COP1: variants seen among roughly 807,000 people sequenced by gnomAD.
COP1 encodes E3 ubiquitin-protein ligase COP1.
In COP1, 24 loss-of-function variants were observed where a neutral mutation model predicts 101.3. The ratio of observed to expected loss-of-function variants is 0.24; its 90% CI spans 0.17 to 0.33. The LOEUF is 0.33. COP1 is among the 10% of genes least tolerant of loss of function. The probability of loss-of-function intolerance (pLI) is 1.00; values close to 1 mark genes in which losing one functional copy is unlikely to be tolerated. For missense variants in COP1, 663 were observed against 906.2 expected (o/e 0.73, Z 3.45); for synonymous variants, 347 against 341.9 (o/e 1.01, Z -0.17).
intron 15 of COP1, among the ~76,000 whole-genome samples, chr1:176,013,659 T>C (rs1665082102): frequency 6.6e-6 from 1 of 152,198 alleles, no homozygotes; most frequent in South Asian, 2.1e-4. Context: ...AAGTCAAAAT[T>C]AGACACAGAA....
chr1:176,176,576 T>C (rs1000456708), intron 2 of COP1, among the ~76,000 whole-genome samples: 40 of 152,158 alleles, frequency 2.6e-4, no homozygotes, highest in African/African-American at 8.2e-4. Context: ...CCCAACACTT[T>C]AGGAGGCAGA....
chr1:176,151,841 T>C (rs1179886973), intron 5 of COP1, among the ~76,000 whole-genome samples: 5 of 152,182 alleles, frequency 3.3e-5, no homozygotes, highest in Non-Finnish European at 7.4e-5. Context: ...TATTTCACTA[T>C]AAATGAGTAA....
chr1:176,188,773 TC>T (rs959135535), intron 1 of COP1, among the ~76,000 whole-genome samples: 1 of 151,388 alleles, frequency 6.6e-6, no homozygotes, highest in South Asian at 2.1e-4. Context: ...ACCTGCTATT[TC>T]CCCCCTCTCT....
chr1:176,186,696 A>G (rs1444100417), intron 1 of COP1, among the ~76,000 whole-genome samples: 1 of 152,238 alleles, frequency 6.6e-6, no homozygotes, highest in Non-Finnish European at 1.5e-5. Context: ...TCTACCTGCT[A>G]TGCTGAAAAG....
chr1:176,169,292 T>A (rs1695671070), intron 3 of COP1, among the ~76,000 whole-genome samples: 1 of 152,246 alleles, frequency 6.6e-6, no homozygotes, highest in Non-Finnish European at 1.5e-5. Flanking sequence ...TAGAATTTTA[T>A]GTCTAAGACT....
At chr1:175,953,634 A>G (rs1024923340) in intron 18 of COP1, among the ~76,000 whole-genome samples, 1 of 152,046 alleles carries the variant, frequency 6.6e-6, no homozygotes, top group African/African-American at 2.4e-5. Flanking sequence ...AAAAATACAG[A>G]TAAGATACAC....
chr1:176,082,805 C>CAA (rs367796613), intron 10 of COP1, among the ~76,000 whole-genome samples: 1 of 132,774 alleles, frequency 7.5e-6, no homozygotes, highest in Non-Finnish European at 1.6e-5. Context: ...AACTCCATCT[C>CAA]AAAAAAAAAA....
At position 176,198,334 on chromosome 1, in the gene COP1, T is replaced by C. The variant is rs550481411; in HGVS notation, c.407+8238A>G. ...AATAAAAATTGCAGAAATAAACTCATATATATGGTTAATTTTTGAGAAAGG... is the reference window on the plus strand; with the variant it reads ...AATAAAAATTGCAGAAATAAACTCACATATATGGTTAATTTTTGAGAAAGG... On this transcript the variant is annotated intron_variant, in intron 1 of 19. Transcript: ENST00000367669. 2.1e-4 allele frequency among the ~76,000 whole-genome samples: 32 copies of C among 152,262 alleles called. No individual in the cohort carries two copies. In the South Asian group the frequency reaches 6.6e-3, roughly 32 times the overall value.
chr1:176,024,625 A>G (rs1667362316), intron 15 of COP1, among the ~76,000 whole-genome samples: 1 of 152,202 alleles, frequency 6.6e-6, no homozygotes, highest in African/African-American at 2.4e-5. Flanking sequence ...TTGATCTTCT[A>G]GCTAATACAA....
chr1:176,180,363 T>C (rs1697577188), intron 2 of COP1, among the ~76,000 whole-genome samples: 1 of 152,134 alleles, frequency 6.6e-6, no homozygotes, highest in Admixed American at 6.5e-5. Context: ...TTCATTCTCA[T>C]TCATCTAATC....
intron 15 of COP1, among the ~76,000 whole-genome samples, chr1:176,010,233 T>C (rs1664406297): frequency 6.6e-6 from 1 of 152,174 alleles, no homozygotes. Context: ...GATATTTGAC[T>C]TTTAAAAACT....
At position 176,201,901 on chromosome 1, in the gene COP1, A is replaced by G. The variant is rs147117311; in HGVS notation, c.407+4671T>C. ...AGATTCAAATAAGTTCTTGACAGAT[A>G]TTACTATAATAATATAATAAATGCT... On this transcript the variant is annotated intron_variant, in intron 1 of 19. Coordinates refer to ENST00000367669, the MANE Select transcript of COP1 (RefSeq NM_022457.7). 2.6e-3 allele frequency among the ~76,000 whole-genome samples: 400 copies of G among 152,366 alleles called. 3 individuals are homozygous for G. Among genetic ancestry groups the G allele is most frequent in the African/African-American group, 9.2e-3 (382 of 41,584 alleles).
intron 11 of COP1, among the ~76,000 whole-genome samples, chr1:176,068,401 C>T (rs539161102): frequency 2.5e-4 from 38 of 152,276 alleles, no homozygotes; most frequent in African/African-American, 8.7e-4. Context: ...ATTAGAAACT[C>T]TGAGAGTGGA....
rs556288531 is a variant in COP1 at position 176,155,609 on chromosome 1, G to C, written c.763-6535C>G. ...GTTCAAAAATTAAATCCTAGGCATTGAATTTGTTCGCTGCCAAAAAACAAA... is the reference window on the plus strand; with the variant it reads ...GTTCAAAAATTAAATCCTAGGCATTCAATTTGTTCGCTGCCAAAAAACAAA... On this transcript the variant is annotated intron_variant, in intron 5 of 19. Coordinates refer to ENST00000367669, the MANE Select transcript of COP1 (RefSeq NM_022457.7). Among the ~76,000 whole-genome samples the C allele has an allele frequency of 2.6e-5, 4 of 152,018 alleles. No individual in the cohort carries two copies. The East Asian group carries it at 5.8e-4, about 22-fold the overall frequency.
At chr1:175,977,184 G>A (rs1272853506) in intron 18 of COP1, among the ~76,000 whole-genome samples, 1 of 152,098 alleles carries the variant, frequency 6.6e-6, no homozygotes, top group Admixed American at 6.5e-5. Flanking sequence ...AGATCCTGAA[G>A]ATAAATAAAA....
intron 11 of COP1, among the ~76,000 whole-genome samples, chr1:176,071,754 T>A (rs1023438346): frequency 6.6e-6 from 1 of 152,198 alleles, no homozygotes; most frequent in African/African-American, 2.4e-5. Context: ...TAGACGTAAG[T>A]TCTACTTTTA....
chr1:176,103,702 AT>A (rs1683827089), intron 9 of COP1, among the ~76,000 whole-genome samples: 1 of 152,192 alleles, frequency 6.6e-6, no homozygotes, highest in African/African-American at 2.4e-5. Flanking sequence ...CTGCATGTAA[AT>A]CTATAATTAT....
chr1:176,158,329 T>C (rs1481442791), intron 5 of COP1, among the ~76,000 whole-genome samples: 1 of 152,092 alleles, frequency 6.6e-6, no homozygotes, highest in Non-Finnish European at 1.5e-5. Flanking sequence ...AAAATAAAGA[T>C]TTTGTCAGAC....
chr1:175,987,126 G>T lies in COP1; in HGVS notation c.1973-23C>A, dbSNP rs1026191071. 3.2e-6 allele frequency: 4 copies of T among 1,243,826 alleles called. No individual in the cohort carries two copies. The African/African-American group carries it at 6.1e-5, about 19-fold the overall frequency. The allele number at this position is 1,243,826 out of a possible 1,614,324, so 77.0% of individuals were successfully genotyped here. A position where few individuals can be genotyped will look rare whatever the true frequency, so the allele number is the denominator to read the frequency against. ...TTCCTGAAAACAAATAATAATAATAGTATTTTAGAATAGAAAAACTCGGAA... is the reference window on the plus strand; with the variant it reads ...TTCCTGAAAACAAATAATAATAATATTATTTTAGAATAGAAAAACTCGGAA... On this transcript the variant is annotated intron_variant, in intron 17 of 19. Transcript: ENST00000367669.
Sources: gnomAD v4.1 joint callset for allele counts (sites outside exome capture counted in the v4.1 genomes callset) on GRCh38, gnomAD v4.1.1 for gene constraint, MANE v1.5 for transcripts, NCBI Gene and HGNC (gene_info 2026-07-23, HGNC 2026-07-21) for gene names.